The following TMEM14A variants were observed in gnomAD, a reference collection of about 807,000 sequenced individuals.
TMEM14A encodes transmembrane protein 14A.
In TMEM14A, 8 loss-of-function variants were observed where a neutral mutation model predicts 11.6. The observed-to-expected ratio is 0.69, with a 90% CI of 0.40 to 1.24. TMEM14A has a LOEUF of 1.24. Among genes scored for constraint, TMEM14A ranks in the 50% most tolerant of loss-of-function variants. The pLI is 0.01. For synonymous variants in TMEM14A, 34 were observed against 45.5 expected (o/e 0.75, Z 1.02); for missense variants, 108 against 121.9 (o/e 0.89, Z 0.54).
In TMEM14A at chr6:52,681,897, A is replaced by T; in HGVS notation, c.155A>T (p.Asp52Val). Residue 52 changes from aspartate to valine, a missense_variant, in exon 3 of 5, where the codon GAT becomes GTT. Coordinates refer to ENST00000211314, the MANE Select transcript of TMEM14A (RefSeq NM_014051.4). ...TACCGTGTCTCCAATGACAAACGAG[A>T]TGTAAAAGTGTCACTGTGTAAGTAA... ...GAYRVSNDKR[D>V]VKVSLFTAFF... The T allele has an allele frequency of 6.2e-7, 1 of 1,614,072 alleles. No individual in the cohort carries two copies. The highest frequency in any genetic ancestry group is 8.5e-7 in the Non-Finnish European group (1 of 1,179,992).
chr6:52,679,855 G>A lies in TMEM14A; in HGVS notation c.71-1958G>A, dbSNP rs911400718. Among the ~76,000 whole-genome samples the A allele has an allele frequency of 1.5e-4, 20 of 131,736 alleles. No individual in the cohort carries two copies. The East Asian group carries it at 3.2e-3, about 21-fold the overall frequency. 86.4% of individuals were successfully genotyped at this position (131,736 alleles called of 152,430 possible). A position where few individuals can be genotyped will look rare whatever the true frequency, so the allele number is the denominator to read the frequency against. On this transcript the variant is annotated intron_variant, in intron 2 of 4. Coordinates refer to ENST00000211314, the MANE Select transcript of TMEM14A (RefSeq NM_014051.4). ...ACTTTCTCCACATACTTAAGTGTGCGTGTTTGGTGGTGGTGGGGAGGGTGG... is the reference window on the plus strand; with the variant it reads ...ACTTTCTCCACATACTTAAGTGTGCATGTTTGGTGGTGGTGGGGAGGGTGG...
chr6:52,678,329 TTGTGTGTGTGTGTGTG>T (rs201993880), intron 2 of TMEM14A, among the ~76,000 whole-genome samples: 1 of 30,086 alleles, frequency 3.3e-5, no homozygotes, highest in Non-Finnish European at 1.7e-4. Flanking sequence ...ATGTGTGTGT[TTGTGTGTGTGTGTGTG>T]TGTGTGTGTG....
intron 1 of TMEM14A, among the ~76,000 whole-genome samples, chr6:52,673,881 C>T (rs1363793044): frequency 4.6e-5 from 7 of 152,196 alleles, no homozygotes; most frequent in Non-Finnish European, 4.4e-5. Context: ...CCTCAGTTTT[C>T]TCAGTGTGCT....
chr6:52,677,493 T>C (rs1769280662), intron 2 of TMEM14A, among the ~76,000 whole-genome samples: 1 of 152,108 alleles, frequency 6.6e-6, no homozygotes, highest in Non-Finnish European at 1.5e-5. Flanking sequence ...TTTTTTGCTT[T>C]ACATAATCGT....
chr6:52,684,201 CTGT>C, intron 4 of TMEM14A, 36 bp downstream of exon 4: 1 of 1,577,126 alleles, frequency 6.3e-7, no homozygotes, highest in Non-Finnish European at 8.6e-7. Context: ...CTTTCCTCTG[CTGT>C]TGTTTTGAAG....
At chr6:52,674,549 T>G (rs903446995) in intron 1 of TMEM14A, among the ~76,000 whole-genome samples, 1 of 152,198 alleles carries the variant, frequency 6.6e-6, no homozygotes, top group African/African-American at 2.4e-5. Flanking sequence ...CATGAGTTGA[T>G]ACACATAAGG....
In TMEM14A at chr6:52,681,909, C is replaced by A; in HGVS notation, c.167C>A (p.Ser56Ter). 6.2e-7 allele frequency: 1 copy of A among 1,613,870 alleles called. No individual in the cohort carries two copies. Among genetic ancestry groups the A allele is most frequent in the South Asian group, 1.1e-5 (1 of 91,050 alleles). ...VSNDKRDVKV[S>*]LFTAFFLATI... is the part of the protein sequence containing the mutation. ...AATGACAAACGAGATGTAAAAGTGT[C>A]ACTGTGTAAGTAAGGCATTTTTCCT... The change falls in exon 3 of 5, where the codon TCA (serine) becomes TAA (stop). Residue 56 changes from serine (S) to a stop codon, truncating the protein, a stop_gained. Transcript: ENST00000211314. LOFTEE classifies it high-confidence loss of function.
intron 2 of TMEM14A, among the ~76,000 whole-genome samples, chr6:52,679,933 T>C (rs16882867): frequency 0.011 from 1,609 of 152,136 alleles, 16 homozygotes; most frequent in African/African-American, 0.036. Context: ...GAAAGGAGCA[T>C]CATAGAATCT....
Position 52,677,227 on chromosome 6 carries a change from G to A in TMEM14A, c.70+55G>A. 3.8e-6 allele frequency: 6 copies of A among 1,580,880 alleles called. No individual in the cohort carries two copies. The South Asian group carries it at 4.4e-5, about 12-fold the overall frequency. On this transcript the variant is annotated intron_variant, in intron 2 of 4. Coordinates refer to ENST00000211314, the MANE Select transcript of TMEM14A (RefSeq NM_014051.4). Reference sequence around the variant, plus strand: ...GAATTAGTGGGGGTTTGGAGGTTGTGCTAGGTCATGTGAGGCTCTGTAAGT... The same window carrying A: ...GAATTAGTGGGGGTTTGGAGGTTGTACTAGGTCATGTGAGGCTCTGTAAGT...
At chr6:52,682,042 G>A (rs2127265225) in intron 3 of TMEM14A, 128 bp downstream of exon 3, 1 of 665,724 alleles carries the variant, frequency 1.5e-6, no homozygotes, top group East Asian at 2.8e-5. Flanking sequence ...TGTTGAGGCT[G>A]AATACAACAC....
intron 2 of TMEM14A, among the ~76,000 whole-genome samples, chr6:52,680,593 TTA>T (rs70977373): frequency 0.2 from 18,938 of 96,704 alleles, 2,228 homozygotes; most frequent in South Asian, 0.24. Flanking sequence ...ATTTATATAT[TTA>T]TATATATATA....
chr6:52,671,544 T>C (rs1769162154), intron 1 of TMEM14A, among the ~76,000 whole-genome samples: 1 of 152,114 alleles, frequency 6.6e-6, no homozygotes. Context: ...TGCAAAATGC[T>C]TGGCAGGATT....
rs1171511298 is a variant in TMEM14A at position 52,678,319 on chromosome 6, ATGTGTGTGTTTGTGTGTGTG to A, written c.70+1157_70+1176del. Among the ~76,000 whole-genome samples the A allele has an allele frequency of 4.7e-3, 623 of 133,788 alleles. 3 individuals are homozygous for A. Among genetic ancestry groups the A allele is most frequent in the East Asian group, 0.012 (55 of 4,442 alleles). The allele number at this position is 133,788 out of a possible 152,430, so 87.8% of individuals were successfully genotyped here. A position where few individuals can be genotyped will look rare whatever the true frequency, so the allele number is the denominator to read the frequency against. On this transcript the variant is annotated intron_variant, in intron 2 of 4. Coordinates refer to ENST00000211314, the MANE Select transcript of TMEM14A (RefSeq NM_014051.4). ...GGAGAGAGATATAGAGAGTGTGTGT[ATGTGTGTGTTTGTGTGTGTG>A]TGTGTGTGTGTGTGTGTGTGTGTGT...
At chr6:52,672,465 G>A (rs543952570) in intron 1 of TMEM14A, among the ~76,000 whole-genome samples, 1 of 152,090 alleles carries the variant, frequency 6.6e-6, no homozygotes, top group Non-Finnish European at 1.5e-5. Flanking sequence ...ATGTAAGGGT[G>A]TTTTCCGGAC....
chr6:52,678,058 A>C (rs1178244353), intron 2 of TMEM14A, among the ~76,000 whole-genome samples: 1 of 152,092 alleles, frequency 6.6e-6, no homozygotes, highest in East Asian at 1.9e-4. Flanking sequence ...TGTATTAGAG[A>C]TGTGTATTTG....
At chr6:52,682,438 A>C (rs1273281883) in intron 3 of TMEM14A, among the ~76,000 whole-genome samples, 1 of 152,240 alleles carries the variant, frequency 6.6e-6, no homozygotes, top group Non-Finnish European at 1.5e-5. Flanking sequence ...CTTGACTTTC[A>C]TCTCACTTGA....
At chr6:52,679,592 G>A (rs1003402456) in intron 2 of TMEM14A, among the ~76,000 whole-genome samples, 1 of 151,966 alleles carries the variant, frequency 6.6e-6, no homozygotes, top group African/African-American at 2.4e-5. Flanking sequence ...CCAGGAAGTG[G>A]GAAGGAAAAG....
chr6:52,673,478 CTGTT>C (rs140746), intron 1 of TMEM14A, among the ~76,000 whole-genome samples: 103,215 of 151,872 alleles, frequency 0.68, 37,101 homozygotes, highest in South Asian at 0.82. Context: ...ACTCCCTCCT[CTGTT>C]TGTAAGCCCC....
intron 2 of TMEM14A, among the ~76,000 whole-genome samples, chr6:52,680,621 ATG>A (rs1216910587): frequency 2.3e-5 from 2 of 88,498 alleles, no homozygotes; most frequent in African/African-American, 7.9e-5. Context: ...ATGTATATAT[ATG>A]TGTATATATA....
Sources: allele counts gnomAD v4.1 joint callset (sites outside exome capture counted in the v4.1 genomes callset), GRCh38; gene constraint gnomAD v4.1.1; transcripts MANE v1.5; gene names NCBI Gene and HGNC (gene_info 2026-07-23, HGNC 2026-07-21).